Variants in PGBD4 observed in about 807,000 individuals in gnomAD.
PGBD4 encodes the protein piggyBac transposable element-derived protein 4.
A neutral mutation model predicts 0.3 loss-of-function variants in PGBD4; 1 was observed. The observed-to-expected ratio is 3.72, with a 90% CI of 1.32 to 17.64. The LOEUF is 17.64. Among genes scored for constraint, PGBD4 ranks in the 30% most tolerant of loss-of-function variants. The pLI, the probability that PGBD4 is intolerant of heterozygous loss-of-function variation, is 0.11. For synonymous variants in PGBD4, 253 were observed against 267.7 expected (o/e 0.95, Z 0.54); for missense variants, 624 against 719.7 (o/e 0.87, Z 1.52).
rs1567505858 is a variant in PGBD4, at chr15:34,104,203, G to C, written c.1672G>C (p.Glu558Gln). The part of the protein sequence containing the change: ...YDKDGKKIRK[E>Q]TRYFCAECDV... ...CAAGGATGGCAAGAAGATCCGGAAAGAAACGCGCTATTTTTGTGCCGAATG... is the reference window on the plus strand; with the variant it reads ...CAAGGATGGCAAGAAGATCCGGAAACAAACGCGCTATTTTTGTGCCGAATG... The change falls in exon 1 of 1, where the codon GAA becomes CAA. Residue 558 changes from glutamate (E) to glutamine (Q), a missense_variant. Glu to Gln is a conservative substitution (Grantham distance 29). Coordinates refer to ENST00000397766, the MANE Select transcript of PGBD4 (RefSeq NM_152595.5). The C allele has an allele frequency of 1.2e-6, 2 of 1,614,218 alleles. No homozygotes were observed. The highest frequency in any genetic ancestry group is 8.5e-7 in the Non-Finnish European group (1 of 1,180,052).
Position 34,102,855 on chromosome 15 carries a change from T to C in PGBD4, c.324T>C (p.Phe108=). Residue 108 remains phenylalanine, a synonymous_variant, in exon 1 of 1, where the codon TTT becomes TTC. Coordinates refer to ENST00000397766, the MANE Select transcript of PGBD4 (RefSeq NM_152595.5). This position sits in a 1 kb window ranked among gnomAD's most constrained non-coding sequence, Gnocchi z 4.7. The part of the protein sequence containing the change: ...VSDITDPLQY[F]ELFFTEELVS... ...ATATCACTGACCCATTGCAGTATTT[T>C]GAACTGTTCTTTACTGAGGAATTAG... The C allele has an allele frequency of 6.2e-7, 1 of 1,614,194 alleles. No individual in the cohort carries two copies. Among genetic ancestry groups the C allele is most frequent in the South Asian group, 1.1e-5 (1 of 91,086 alleles).
chr15:34,103,692 G>T lies in PGBD4; in HGVS notation c.1161G>T (p.Trp387Cys), dbSNP rs767462668. 11 of 1,614,192 alleles carry T rather than the reference G, an allele frequency of 6.8e-6. No homozygotes were observed. The highest frequency in any genetic ancestry group is 9.3e-6 in the Non-Finnish European group (11 of 1,180,034). ...RFCGELMALK[W>C]CDGKEVTMLS... ...GTGGTGAACTTATGGCACTGAAATG[G>T]TGTGACGGCAAGGAGGTGACAATGT... The change falls in exon 1 of 1, where the codon TGG (tryptophan) becomes TGT (cysteine). Residue 387 changes from tryptophan to cysteine, a missense_variant. Transcript: ENST00000397766. The surrounding 1 kb of genome is among the most constrained non-coding windows in gnomAD (Gnocchi z 4.6).
rs1298085227 is a variant in PGBD4 at position 34,105,200 on chromosome 15, TG to T, written c.*912del. The T allele has an allele frequency of 6.0e-6, 1 of 167,106 alleles. No individual in the cohort carries two copies. Among genetic ancestry groups the T allele is most frequent in the Non-Finnish European group, 1.5e-5 (1 of 68,128 alleles). 10.4% of individuals were successfully genotyped at this position (167,106 alleles called of 1,614,324 possible). ...TCTGATGCTACACTATTCTTCCTGT[TG>T]TGATTGTTTTACTGTGAACATAACA... On this transcript the variant is annotated 3_prime_UTR_variant, in exon 1 of 1. Transcript: ENST00000397766.
rs1442357134 is a variant in PGBD4 at position 34,105,987 on chromosome 15, CCTT to C, written c.*1705_*1707del. The C allele has an allele frequency of 6.0e-6, 1 of 167,108 alleles. No homozygotes were observed. Among genetic ancestry groups the C allele is most frequent in the Non-Finnish European group, 1.5e-5 (1 of 68,186 alleles). The allele number at this position is 167,108 out of a possible 1,614,324, so 10.4% of individuals were successfully genotyped here. A position where few individuals can be genotyped will look rare whatever the true frequency, so the allele number is the denominator to read the frequency against. ...ACCACACCTGCAAAATGCCTAACAA[CCTT>C]CTTCTTTTCAGTGATTACCACTTTC... On this transcript the variant is annotated 3_prime_UTR_variant, in exon 1 of 1. Coordinates refer to ENST00000397766, the MANE Select transcript of PGBD4 (RefSeq NM_152595.5).
In PGBD4 at chr15:34,103,646, G is replaced by T. The variant is rs371796208; in HGVS notation, c.1115G>T (p.Gly372Val). ...PNDLKKRIAK[G>V]TTVARFCGEL... ...GATCTGAAAAAAAGGATTGCAAAGG[G>T]GACGACTGTAGCCAGATTCTGTGGT... The change falls in exon 1 of 1, where the codon GGG (glycine) becomes GTG (valine). Residue 372 changes from glycine to valine, a missense_variant. Transcript: ENST00000397766. This position sits in a 1 kb window ranked among gnomAD's most constrained non-coding sequence, Gnocchi z 4.6. 178 of 1,614,056 alleles carry T rather than the reference G, an allele frequency of 1.1e-4. No homozygotes were observed. The highest frequency in any genetic ancestry group is 1.4e-4 in the Non-Finnish European group (169 of 1,180,052).
rs1901239701 is a variant in PGBD4 at position 34,104,309 on chromosome 15, T to TC, written c.*21dup. 13 of 1,591,782 alleles carry TC rather than the reference T, an allele frequency of 8.2e-6. No individual in the cohort carries two copies. Among genetic ancestry groups the TC allele is most frequent in the Non-Finnish European group, 1.0e-5 (12 of 1,167,690 alleles). On this transcript the variant is annotated 3_prime_UTR_variant, in exon 1 of 1. Coordinates refer to ENST00000397766, the MANE Select transcript of PGBD4 (RefSeq NM_152595.5). ...TATTAAATACCGATCATCATACACA[T>TC]CTGTTCCATTAGGATTAGAGACAAG...
In PGBD4 at chr15:34,102,984, C is replaced by A. The variant is rs769475705; in HGVS notation, c.453C>A (p.Asp151Glu). The change falls in exon 1 of 1, where the codon GAC (aspartate) becomes GAA (glutamate). Residue 151 changes from aspartate to glutamate, a missense_variant. Physicochemically the swap from Asp to Glu is conservative, Grantham distance 45. Coordinates refer to ENST00000397766, the MANE Select transcript of PGBD4 (RefSeq NM_152595.5). This position sits in a 1 kb window ranked among gnomAD's most constrained non-coding sequence, Gnocchi z 4.7. ...GAATGGATAAATGGAAAGACACTGA[C>A]AATGACGAGCTCAAAGTCTTTTTTG... ...FSRMDKWKDTDNDELKVFFAV... is the reference protein window; with the variant it reads ...FSRMDKWKDTENDELKVFFAV... 1 of 1,614,122 alleles carries A rather than the reference C, an allele frequency of 6.2e-7. No homozygotes were observed. Among genetic ancestry groups the A allele is most frequent in the South Asian group, 1.1e-5 (1 of 91,088 alleles).
chr15:34,103,739 C>G lies in PGBD4; in HGVS notation c.1208C>G (p.Thr403Ser). ...VTMLSTFHND[T>S]VIEVNNRNGK... Reference sequence around the variant, plus strand: ...ATGTTGTCAACATTCCACAATGATACTGTGATTGAAGTAAACAATAGAAAT... The same window carrying G: ...ATGTTGTCAACATTCCACAATGATAGTGTGATTGAAGTAAACAATAGAAAT... The change falls in exon 1 of 1, where the codon ACT (threonine) becomes AGT (serine). Residue 403 changes from threonine to serine, a missense_variant. Transcript: ENST00000397766. The surrounding 1 kb of genome is among the most constrained non-coding windows in gnomAD (Gnocchi z 4.6). 6.2e-7 allele frequency: 1 copy of G among 1,614,134 alleles called. No homozygotes were observed. The highest frequency in any genetic ancestry group is 8.5e-7 in the Non-Finnish European group (1 of 1,180,036).
In PGBD4 at chr15:34,102,293, C is replaced by T. The variant is rs1901192851; in HGVS notation, c.-239C>T. On this transcript the variant is annotated 5_prime_UTR_variant, in exon 1 of 1. Transcript: ENST00000397766. This position sits in a 1 kb window ranked among gnomAD's most constrained non-coding sequence, Gnocchi z 4.7. ...GTCTGTGTGCGTTTAACTCATTTCT[C>T]CTTAGCCCCGAGATTACGCGCTGCT... is the stretch of plus-strand genomic sequence containing the variant. 1 of 570,952 alleles carries T rather than the reference C, an allele frequency of 1.8e-6. No individual in the cohort carries two copies. The highest frequency in any genetic ancestry group is 3.0e-6 in the Non-Finnish European group (1 of 337,672). 35.4% of individuals were successfully genotyped at this position (570,952 alleles called of 1,614,324 possible).
Position 34,103,740 on chromosome 15 carries a change from T to C in PGBD4, c.1209T>C (p.Thr403=), listed in dbSNP as rs1901223453. 1 of 1,614,190 alleles carries C rather than the reference T, an allele frequency of 6.2e-7. No homozygotes were observed. The highest frequency in any genetic ancestry group is 2.2e-5 in the East Asian group (1 of 44,894). Residue 403 remains threonine, a synonymous_variant, in exon 1 of 1, where the codon ACT becomes ACC. Coordinates refer to ENST00000397766, the MANE Select transcript of PGBD4 (RefSeq NM_152595.5). The surrounding 1 kb of genome is among the most constrained non-coding windows in gnomAD (Gnocchi z 4.6). Reference sequence around the variant, plus strand: ...TGTTGTCAACATTCCACAATGATACTGTGATTGAAGTAAACAATAGAAATG... The same window carrying C: ...TGTTGTCAACATTCCACAATGATACCGTGATTGAAGTAAACAATAGAAATG... ...VTMLSTFHND[T]VIEVNNRNGK... is the part of the protein sequence containing the mutation.
At position 34,102,233 on chromosome 15, in the gene PGBD4, A is replaced by T. The variant is rs986779945; in HGVS notation, c.-299A>T. Reference sequence around the variant, plus strand: ...GAGACCTTTCAAAAAACTTCTAGAGACTCCCCAAGACGTATGAGATGAAAG... The same window carrying T: ...GAGACCTTTCAAAAAACTTCTAGAGTCTCCCCAAGACGTATGAGATGAAAG... On this transcript the variant is annotated 5_prime_UTR_variant, in exon 1 of 1. Coordinates refer to ENST00000397766, the MANE Select transcript of PGBD4 (RefSeq NM_152595.5). The surrounding 1 kb of genome is among the most constrained non-coding windows in gnomAD (Gnocchi z 4.7). 1 of 444,648 alleles carries T rather than the reference A, an allele frequency of 2.2e-6. No individual in the cohort carries two copies. Among genetic ancestry groups the T allele is most frequent in the African/African-American group, 2.0e-5 (1 of 49,296 alleles). The allele number at this position is 444,648 out of a possible 1,614,324, so 27.5% of individuals were successfully genotyped here.
At position 34,108,218 on chromosome 15, in the gene PGBD4, C is replaced by G. The variant is rs1323727345; in HGVS notation, c.*3929C>G. ...CCTCAGGTAATCCGCCTGCCTTGGC[C>G]TCCCAAAGTGCTGGGATGACAGGCG... On this transcript the variant is annotated 3_prime_UTR_variant, in exon 1 of 1. Coordinates refer to ENST00000397766, the MANE Select transcript of PGBD4 (RefSeq NM_152595.5). 3.9e-5 allele frequency: 6 copies of G among 152,320 alleles called. No individual in the cohort carries two copies. The highest frequency in any genetic ancestry group is 1.5e-5 in the Non-Finnish European group (1 of 68,116). The allele number at this position is 152,320 out of a possible 1,614,324, so 9.4% of individuals were successfully genotyped here.
chr15:34,103,117 A>G lies in PGBD4; in HGVS notation c.586A>G (p.Arg196Gly). 1 of 1,613,950 alleles carries G rather than the reference A, an allele frequency of 6.2e-7. No individual in the cohort carries two copies. Among genetic ancestry groups the G allele is most frequent in the Non-Finnish European group, 8.5e-7 (1 of 1,180,010 alleles). Residue 196 changes from arginine (R) to glycine (G), a missense_variant, in exon 1 of 1, where the codon AGA becomes GGA. Transcript: ENST00000397766. This position sits in a 1 kb window ranked among gnomAD's most constrained non-coding sequence, Gnocchi z 4.6. ...PYLRQIMTGE[R>G]FLLLFRCLHF... ...TCTCAGGCAAATTATGACTGGTGAA[A>G]GATTTTTACTTTTGTTTCGGTGCCT...
Position 34,102,696 on chromosome 15 carries a change from C to T in PGBD4, c.165C>T (p.Ser55=), listed in dbSNP as rs1035282168. Residue 55 remains serine, a synonymous_variant, in exon 1 of 1, where the codon TCC becomes TCT. Coordinates refer to ENST00000397766, the MANE Select transcript of PGBD4 (RefSeq NM_152595.5). The surrounding 1 kb of genome is among the most constrained non-coding windows in gnomAD (Gnocchi z 4.7). ...AAGCCGATAAGATCAGGCCTCTGTC[C>T]CATTTAGAATCTGATGGAAAGAGCT... is the stretch of plus-strand genomic sequence containing the variant. ...ALEADKIRPL[S]HLESDGKSST... 6.2e-7 allele frequency: 1 copy of T among 1,614,004 alleles called. No individual in the cohort carries two copies. The highest frequency in any genetic ancestry group is 2.2e-5 in the East Asian group (1 of 44,880).
rs1398113886 is a variant in PGBD4, at chr15:34,108,267, C to G, written c.*3978C>G. The stretch of plus-strand genomic sequence containing the variant: ...CGTGAGCCACCACGCTGGGCCTCTT[C>G]TTGGTTTTTTAATCCATCTTCTGCC... On this transcript the variant is annotated 3_prime_UTR_variant, in exon 1 of 1. Coordinates refer to ENST00000397766, the MANE Select transcript of PGBD4 (RefSeq NM_152595.5). 6.6e-6 allele frequency: 1 copy of G among 152,242 alleles called. No homozygotes were observed. Among genetic ancestry groups the G allele is most frequent in the African/African-American group, 2.4e-5 (1 of 41,458 alleles). 9.4% of individuals were successfully genotyped at this position (152,242 alleles called of 1,614,324 possible).
rs944053030 is a variant in PGBD4, at chr15:34,108,453, G to A, written c.*4164G>A. ...GCTGATTTTAAAATCAGTACATGTT[G>A]AGCTGAGCCCTGAGGCCTTTGTTTC... On this transcript the variant is annotated 3_prime_UTR_variant, in exon 1 of 1. Coordinates refer to ENST00000397766, the MANE Select transcript of PGBD4 (RefSeq NM_152595.5). The A allele has an allele frequency of 1.3e-5, 2 of 152,186 alleles. No homozygotes were observed. The highest frequency in any genetic ancestry group is 2.9e-5 in the Non-Finnish European group (2 of 68,042). 9.4% of individuals were successfully genotyped at this position (152,186 alleles called of 1,614,324 possible). A position where few individuals can be genotyped will look rare whatever the true frequency, so the allele number is the denominator to read the frequency against.
rs936846428 is a variant in PGBD4 at position 34,107,187 on chromosome 15, C to CAT, written c.*2900_*2901dup. The CAT allele has an allele frequency of 2.0e-5, 3 of 151,610 alleles. No homozygotes were observed. Among genetic ancestry groups the CAT allele is most frequent in the Admixed American group, 6.6e-5 (1 of 15,194 alleles). 9.4% of individuals were successfully genotyped at this position (151,610 alleles called of 1,614,324 possible). On this transcript the variant is annotated 3_prime_UTR_variant, in exon 1 of 1. Coordinates refer to ENST00000397766, the MANE Select transcript of PGBD4 (RefSeq NM_152595.5). ...TATAACTATAATGTGTACTGTTTTA[C>CAT]ATACATATTTCCAAAGTATACTATA...
Position 34,103,248 on chromosome 15 carries a change from T to G in PGBD4, c.717T>G (p.Thr239=). 9 of 1,614,200 alleles carry G rather than the reference T, an allele frequency of 5.6e-6. No individual in the cohort carries two copies. Among genetic ancestry groups the G allele is most frequent in the Non-Finnish European group, 6.8e-6 (8 of 1,180,042 alleles). The change falls in exon 1 of 1, where the codon ACT becomes ACG. Residue 239 remains threonine, a synonymous_variant. Transcript: ENST00000397766. This position sits in a 1 kb window ranked among gnomAD's most constrained non-coding sequence, Gnocchi z 4.6. The stretch of plus-strand genomic sequence containing the variant: ...ACTTTCTTGTAAATAAATTTTCCAC[T>G]GTATATACTCCAAACAGAAACATTG... ...VFDFLVNKFS[T]VYTPNRNIAV...
At position 34,102,499 on chromosome 15, in the gene PGBD4, A is replaced by G; in HGVS notation, c.-33A>G. ...TTCTGTTTTTAGTAGTGGGATTTCC[A>G]TCTACAAAATATAGTAATTCTCGAT... On this transcript the variant is annotated 5_prime_UTR_variant, in exon 1 of 1. Coordinates refer to ENST00000397766, the MANE Select transcript of PGBD4 (RefSeq NM_152595.5). The surrounding 1 kb of genome is among the most constrained non-coding windows in gnomAD (Gnocchi z 4.7). 4.8e-6 allele frequency: 7 copies of G among 1,472,830 alleles called. No individual in the cohort carries two copies. Among genetic ancestry groups the G allele is most frequent in the Non-Finnish European group, 6.3e-6 (7 of 1,113,920 alleles). The allele number at this position is 1,472,830 out of a possible 1,614,324, so 91.2% of individuals were successfully genotyped here.
Sources: allele counts gnomAD v4.1 joint callset, GRCh38; gene constraint gnomAD v4.1.1; non-coding constraint Gnocchi (gnomAD v3.1); transcripts MANE v1.5; gene names NCBI Gene and HGNC (gene_info 2026-07-23, HGNC 2026-07-21).